The following ELOVL6 variants were observed in gnomAD, a reference collection of about 807,000 sequenced individuals.
ELOVL6 encodes very long chain fatty acid elongase 6.
A neutral mutation model predicts 31.7 loss-of-function variants in ELOVL6; 8 were observed. That is an observed-to-expected ratio of 0.25 (90% confidence interval 0.15 to 0.45). The LOEUF (loss-of-function observed/expected upper bound fraction) is 0.45. Among genes scored for constraint, ELOVL6 ranks in the 20% least tolerant of loss-of-function variants. The pLI is 1.00. For missense variants in ELOVL6, 126 were observed against 326.4 expected (o/e 0.39, Z 4.73); for synonymous variants, 101 against 117.7 (o/e 0.86, Z 0.92).
intron 3 of ELOVL6, among the ~76,000 whole-genome samples, chr4:110,056,124 G>GA (rs200634992): frequency 1.5e-5 from 2 of 134,126 alleles, no homozygotes; most frequent in African/African-American, 5.6e-5. Flanking sequence ...GTGGGAGCTG[G>GA]GGGGGGGGAT....
chr4:110,116,009 T>TC (rs1757159415), intron 1 of ELOVL6, among the ~76,000 whole-genome samples: 1 of 151,828 alleles, frequency 6.6e-6, no homozygotes, highest in South Asian at 2.1e-4. Flanking sequence ...CTGACTCTGA[T>TC]CCCCCCAACT....
rs1294568212 is a variant in ELOVL6 at position 110,051,336 on chromosome 4, C to T, written c.*2G>A. On this transcript the variant is annotated 3_prime_UTR_variant, in exon 4 of 4. Transcript: ENST00000302274. This position sits in a 1 kb window ranked among gnomAD's most constrained non-coding sequence, Gnocchi z 4.8. ...GCTATGGCTTCCTCCTCAGTTCCAA[C>T]ACTATTCAGCTTTCGTTGTTTTCCT... 9 of 1,613,510 alleles carry T rather than the reference C, an allele frequency of 5.6e-6. No homozygotes were observed. Among genetic ancestry groups the T allele is most frequent in the South Asian group, 1.1e-5 (1 of 90,952 alleles).
chr4:110,084,570 A>ATATATATT (rs1756174752), intron 2 of ELOVL6, among the ~76,000 whole-genome samples: 1 of 41,344 alleles, frequency 2.4e-5, no homozygotes, highest in African/African-American at 1.9e-4. Context: ...ACAGATATAT[A>ATATATATT]TATATATATA....
chr4:110,164,457 G>A (rs889572303), intron 1 of ELOVL6, among the ~76,000 whole-genome samples: 1 of 152,146 alleles, frequency 6.6e-6, no homozygotes, highest in Non-Finnish European at 1.5e-5. Flanking sequence ...AAGATGCCAT[G>A]AACATTTGTC....
chr4:110,059,855 G>T, intron 2 of ELOVL6, 101 bp from the exon 3 acceptor site: 3 of 953,628 alleles, frequency 3.1e-6, no homozygotes, highest in Admixed American at 2.6e-5. Context: ...CAGGAAATAG[G>T]CATAAGAATC....
chr4:110,164,749 A>G (rs1245547900), intron 1 of ELOVL6, among the ~76,000 whole-genome samples: 2 of 148,582 alleles, frequency 1.3e-5, no homozygotes, highest in South Asian at 4.3e-4. Context: ...AAAAAAAAAA[A>G]AAAAAAGAAA....
intron 1 of ELOVL6, among the ~76,000 whole-genome samples, chr4:110,168,791 C>T (rs1233016202): frequency 6.6e-6 from 1 of 152,114 alleles, no homozygotes; most frequent in African/African-American, 2.4e-5. Context: ...CCAGGTGTCC[C>T]ACCTTTTCCA....
chr4:110,053,692 C>T (rs1419880390), intron 3 of ELOVL6, among the ~76,000 whole-genome samples: 1 of 152,114 alleles, frequency 6.6e-6, no homozygotes, highest in Non-Finnish European at 1.5e-5. Context: ...GTAATTCCAG[C>T]ACTTTGGGAG....
chr4:110,087,465 A>G (rs577238629), intron 2 of ELOVL6, among the ~76,000 whole-genome samples: 3 of 152,146 alleles, frequency 2.0e-5, no homozygotes, highest in Non-Finnish European at 4.4e-5. Flanking sequence ...TTTTCCTACT[A>G]CAAGACTAGA....
intron 2 of ELOVL6, among the ~76,000 whole-genome samples, chr4:110,084,045 CATGCTATATATGATATATAACATATAT>C (rs1560813715): frequency 1.0e-3 from 26 of 24,790 alleles, no homozygotes; most frequent in Admixed American, 3.2e-3. Flanking sequence ...GTATATAACA[CATGCTATATATGATATATAACATATAT>C]ATGCTATATA....
At chr4:110,097,302 C>A (rs1450879735) in intron 2 of ELOVL6, among the ~76,000 whole-genome samples, 2 of 81,674 alleles carry the variant, frequency 2.4e-5, no homozygotes, top group Admixed American at 1.2e-4. Flanking sequence ...GAGACTCCAT[C>A]TCCAAAAAAA....
intron 1 of ELOVL6, among the ~76,000 whole-genome samples, chr4:110,196,179 C>G (rs1194763101): frequency 6.6e-6 from 1 of 152,066 alleles, no homozygotes. Context: ...GGCGGGCGTA[C>G]AGTGAATGGG....
intron 1 of ELOVL6, among the ~76,000 whole-genome samples, chr4:110,163,786 A>G (rs558197840): frequency 1.0e-3 from 158 of 152,360 alleles, no homozygotes; most frequent in African/African-American, 3.8e-3. Context: ...GAAGAGAGAT[A>G]TTCCAGTGGT....
intron 2 of ELOVL6, among the ~76,000 whole-genome samples, chr4:110,075,465 G>C (rs568394134): frequency 3.3e-5 from 5 of 152,262 alleles, no homozygotes; most frequent in Non-Finnish European, 5.9e-5. Flanking sequence ...ATACTACAAA[G>C]TGGAAGAACC....
chr4:110,110,430 C>A (rs1359388077), intron 1 of ELOVL6, among the ~76,000 whole-genome samples: 1 of 130,178 alleles, frequency 7.7e-6, no homozygotes, highest in Non-Finnish European at 1.6e-5. Context: ...TTTTTTGAGC[C>A]AAGGTCTCAT....
At chr4:110,196,229 C>T (rs1320203780) in intron 1 of ELOVL6, among the ~76,000 whole-genome samples, 2 of 152,228 alleles carry the variant, frequency 1.3e-5, no homozygotes, top group African/African-American at 4.8e-5. Flanking sequence ...TCCGGAAGAG[C>T]AGGTTAAACC....
At chr4:110,106,037 G>A (rs996056953) in intron 1 of ELOVL6, among the ~76,000 whole-genome samples, 3 of 152,198 alleles carry the variant, frequency 2.0e-5, no homozygotes, top group African/African-American at 7.2e-5. Flanking sequence ...TGACAAGGTT[G>A]TGTCTTGGAA....
Position 110,089,841 on chromosome 4 carries a change from T to C in ELOVL6, c.221+15656A>G, listed in dbSNP as rs111760323. Among the ~76,000 whole-genome samples, 1,038 of 152,108 alleles carry C rather than the reference T, an allele frequency of 6.8e-3. 13 individuals are homozygous for C. Among genetic ancestry groups the C allele is most frequent in the African/African-American group, 0.023 (965 of 41,488 alleles). On this transcript the variant is annotated intron_variant, in intron 2 of 3. Coordinates refer to ENST00000302274, the MANE Select transcript of ELOVL6 (RefSeq NM_024090.3). ...TGCATAATCACAGCCACAATGGTGA[T>C]GATGGAGGTGGGGAAGGAAAAGAAA...
chr4:110,159,990 G>T (rs535684517), intron 1 of ELOVL6, among the ~76,000 whole-genome samples: 2 of 151,880 alleles, frequency 1.3e-5, no homozygotes, highest in East Asian at 3.9e-4. Context: ...TTTTTCTTAT[G>T]GATTGGTACG....
Sources: allele counts gnomAD v4.1 joint callset (sites outside exome capture counted in the v4.1 genomes callset), GRCh38; gene constraint gnomAD v4.1.1; non-coding constraint Gnocchi (gnomAD v3.1); transcripts MANE v1.5; gene names NCBI Gene and HGNC (gene_info 2026-07-23, HGNC 2026-07-21).